Variants in COL28A1 observed in about 807,000 individuals in gnomAD.
COL28A1 encodes collagen alpha-1(XXVIII) chain.
In COL28A1, 161 loss-of-function variants were observed where a neutral mutation model predicts 150.2. That is an observed-to-expected ratio of 1.07 (90% confidence interval 0.94 to 1.22). The LOEUF (loss-of-function observed/expected upper bound fraction) is 1.22, where lower values mean the gene tolerates loss of function less well. Ranked by LOEUF, COL28A1 falls within the 50% of genes most tolerant of loss-of-function variation. The pLI is 0.00. For missense variants in COL28A1, 1,617 were observed against 1,388.3 expected (o/e 1.16, Z -2.62); for synonymous variants, 552 against 469.7 (o/e 1.18, Z -2.26).
intron 30 of COL28A1, among the ~76,000 whole-genome samples, chr7:7,379,161 G>C (rs961681233): frequency 1.3e-5 from 2 of 152,176 alleles, no homozygotes; most frequent in Admixed American, 6.5e-5. Flanking sequence ...GGAGAAGGAC[G>C]AGGGTTCCAG....
chr7:7,380,825 C>T lies in COL28A1; in HGVS notation c.2243G>A (p.Gly748Asp). 6.2e-7 allele frequency: 1 copy of T among 1,614,034 alleles called. No individual in the cohort carries two copies. The highest frequency in any genetic ancestry group is 1.3e-5 in the African/African-American group (1 of 75,018). Residue 748 changes from glycine to aspartate, a missense_variant, in exon 29 of 35, where the codon GGT becomes GAT. Physicochemically the swap from Gly to Asp is moderately conservative, Grantham distance 94. Transcript: ENST00000399429. The stretch of plus-strand genomic sequence containing the variant: ...AGGCTCTCCAATTTCTCCTTTATCA[C>T]CTTTCTTTCCCACATCGCCCCGTTC... ...HGERGDVGKK[G>D]DKGEIGEPGS...
chr7:7,380,113 C>A (rs931802328), intron 30 of COL28A1, among the ~76,000 whole-genome samples: 1 of 152,056 alleles, frequency 6.6e-6, no homozygotes, highest in East Asian at 1.9e-4. Flanking sequence ...GAGACTTTGC[C>A]TTCCACTCAT....
intron 30 of COL28A1, among the ~76,000 whole-genome samples, chr7:7,379,845 C>A (rs1228291484): frequency 6.6e-6 from 1 of 152,124 alleles, no homozygotes; most frequent in Non-Finnish European, 1.5e-5. Flanking sequence ...CGGGGTCTGA[C>A]TTGTGGTGGG....
chr7:7,484,849 A>G (rs1779535467), intron 13 of COL28A1, among the ~76,000 whole-genome samples: 1 of 152,198 alleles, frequency 6.6e-6, no homozygotes, highest in Admixed American at 6.6e-5. Flanking sequence ...ATGGAGCTAG[A>G]AGCGCTTATC....
intron 26 of COL28A1, among the ~76,000 whole-genome samples, chr7:7,418,946 G>C (rs1784250866): frequency 6.6e-6 from 1 of 151,996 alleles, no homozygotes; most frequent in African/African-American, 2.4e-5. Context: ...GGTAATTCTG[G>C]GATGCTCAGT....
intron 11 of COL28A1, among the ~76,000 whole-genome samples, chr7:7,496,365 C>T (rs1449427845): frequency 3.3e-5 from 5 of 152,170 alleles, no homozygotes; most frequent in Non-Finnish European, 7.4e-5. Flanking sequence ...GCTCTGCTAG[C>T]TGTGGGAGGT....
At position 7,358,575 on chromosome 7, in the gene COL28A1, G is replaced by A. The variant is rs1780454510; in HGVS notation, c.*58C>T. 7.4e-6 allele frequency: 11 copies of A among 1,488,730 alleles called. No homozygotes were observed. Among genetic ancestry groups the A allele is most frequent in the Non-Finnish European group, 1.0e-5 (11 of 1,074,470 alleles). The allele number at this position is 1,488,730 out of a possible 1,614,324, so 92.2% of individuals were successfully genotyped here. On this transcript the variant is annotated 3_prime_UTR_variant, in exon 35 of 35. Transcript: ENST00000399429. ...ATATAGTGCTGTATTTGTATTGGGTGAATATGTGGAAATTAGGGAGTTCTA... is the reference window on the plus strand; with the variant it reads ...ATATAGTGCTGTATTTGTATTGGGTAAATATGTGGAAATTAGGGAGTTCTA...
intron 27 of COL28A1, among the ~76,000 whole-genome samples, chr7:7,411,521 C>G (rs6962725): frequency 0.037 from 5,569 of 152,210 alleles, 341 homozygotes; most frequent in African/African-American, 0.13. Flanking sequence ...CTCCTGAAAT[C>G]AGGCTCTTTG....
chr7:7,374,894 G>C (rs1781461658), intron 31 of COL28A1, among the ~76,000 whole-genome samples: 1 of 152,124 alleles, frequency 6.6e-6, no homozygotes, highest in Non-Finnish European at 1.5e-5. Flanking sequence ...TTAGTCTCTT[G>C]TCTTTTGGCT....
At position 7,511,117 on chromosome 7, in the gene COL28A1, C is replaced by T. The variant is rs779218224; in HGVS notation, c.901G>A (p.Gly301Ser). ...KGDKGERGEC[G>S]KPGIKGDKGS... Reference sequence around the variant, plus strand: ...TTGTCACCTTTTATCCCTGGTTTACCACATTCCCCACGTTCACCCTAAAAA... The same window carrying T: ...TTGTCACCTTTTATCCCTGGTTTACTACATTCCCCACGTTCACCCTAAAAA... Residue 301 changes from glycine (G) to serine (S), a missense_variant, in exon 9 of 35, where the codon GGT becomes AGT. Physicochemically the swap from Gly to Ser is moderately conservative, Grantham distance 56. Transcript: ENST00000399429. The T allele has an allele frequency of 2.0e-5, 32 of 1,612,654 alleles. No individual in the cohort carries two copies. Among genetic ancestry groups the T allele is most frequent in the Middle Eastern group, 3.3e-4 (2 of 6,074 alleles).
At chr7:7,510,739 G>A (rs1483603486) in intron 9 of COL28A1, among the ~76,000 whole-genome samples, 1 of 152,184 alleles carries the variant, frequency 6.6e-6, no homozygotes, top group African/African-American at 2.4e-5. Context: ...GAAAGTGCCT[G>A]TTTTCAGTGT....
In COL28A1 at chr7:7,373,046, T is replaced by C. The variant is rs1302691365; in HGVS notation, c.2860A>G (p.Thr954Ala). 6.2e-7 allele frequency: 1 copy of C among 1,614,148 alleles called. No individual in the cohort carries two copies. Among genetic ancestry groups the C allele is most frequent in the Non-Finnish European group, 8.5e-7 (1 of 1,180,016 alleles). The change falls in exon 32 of 35, where the codon ACT becomes GCT. Residue 954 changes from threonine to alanine, a missense_variant. Thr to Ala is a moderately conservative substitution (Grantham distance 58). Coordinates refer to ENST00000399429, the MANE Select transcript of COL28A1 (RefSeq NM_001037763.3). This position sits in a 1 kb window ranked among gnomAD's most constrained non-coding sequence, Gnocchi z 4.1. ...AACTGGTAAACATGCTCTGGGTCAG[T>C]AGCAATTAGATTCATTTCTTTGTGG... is the stretch of plus-strand genomic sequence containing the variant. ...IFHKEMNLIA[T>A]DPEHVYQFDD...
intron 1 of COL28A1, 113 bp from the exon 2 acceptor site, chr7:7,533,025 C>A: frequency 8.8e-7 from 1 of 1,136,578 alleles, no homozygotes; most frequent in Non-Finnish European, 1.1e-6. Context: ...AAGAGGTTTT[C>A]ATTCATATTT....
At chr7:7,469,695 C>A (rs1345198846) in intron 15 of COL28A1, among the ~76,000 whole-genome samples, 1 of 77,910 alleles carries the variant, frequency 1.3e-5, no homozygotes, top group Admixed American at 1.7e-4. Flanking sequence ...CATCACACTA[C>A]CTGACTTCAA....
intron 30 of COL28A1, 50 bp downstream of exon 30, chr7:7,380,610 C>T: frequency 1.3e-6 from 2 of 1,530,824 alleles, no homozygotes; most frequent in East Asian, 2.2e-5. Context: ...ATGAATGCAA[C>T]AATTTTGCAA....
chr7:7,485,169 CA>C (rs1036404318), intron 13 of COL28A1, among the ~76,000 whole-genome samples: 5 of 151,210 alleles, frequency 3.3e-5, no homozygotes, highest in African/African-American at 1.2e-4. Flanking sequence ...TTAGTAACCA[CA>C]AAAAAAGAAA....
chr7:7,538,284 G>A (rs996204329), upstream of COL28A1, among the ~76,000 whole-genome samples: 1 of 152,150 alleles, frequency 6.6e-6, no homozygotes, highest in East Asian at 1.9e-4. Context: ...ACAAATAAGA[G>A]AGCATGGATA....
intron 20 of COL28A1, 124 bp downstream of exon 20, chr7:7,443,461 T>C: frequency 7.0e-7 from 1 of 1,429,466 alleles, no homozygotes. Flanking sequence ...ACAGTATTCA[T>C]ACTTTTAAGC....
chr7:7,515,908 A>AT, intron 7 of COL28A1, 68 bp from the exon 8 acceptor site: 1 of 784,944 alleles, frequency 1.3e-6, no homozygotes, highest in Non-Finnish European at 2.3e-6. Context: ...AGGATTAGGT[A>AT]TTTTTCAATT....
Sources: gnomAD v4.1 joint callset for allele counts (sites outside exome capture counted in the v4.1 genomes callset) on GRCh38, gnomAD v4.1.1 for gene constraint, Gnocchi (gnomAD v3.1) non-coding constraint, MANE v1.5 for transcripts, NCBI Gene and HGNC (gene_info 2026-07-23, HGNC 2026-07-21) for gene names.